The following SLC25A13 variants were observed in gnomAD, a reference collection of about 807,000 sequenced individuals.
SLC25A13 encodes the protein electrogenic aspartate/glutamate antiporter SLC25A13, mitochondrial.
A neutral mutation model predicts 85.5 loss-of-function variants in SLC25A13; 70 were observed. That is an observed-to-expected ratio of 0.82 (90% CI 0.68 to 1.00). The LOEUF is 1.00. Ranked by LOEUF, SLC25A13 falls within the 50% of genes least tolerant of loss-of-function variation. The pLI, the probability that SLC25A13 is intolerant of heterozygous loss-of-function variation, is 0.00. For missense variants in SLC25A13, 765 were observed against 819.8 expected (o/e 0.93, Z 0.82); for synonymous variants, 259 against 288.7 (o/e 0.90, Z 1.04).
intron 13 of SLC25A13, among the ~76,000 whole-genome samples, chr7:96,154,801 C>T (rs73232574): frequency 0.11 from 5,653 of 50,254 alleles, 373 homozygotes; most frequent in African/African-American, 0.37. Context: ...GCATCTTTTT[C>T]TTTTTTTTTT....
chr7:96,152,904 G>C (rs1303253980), intron 13 of SLC25A13, among the ~76,000 whole-genome samples: 1 of 152,200 alleles, frequency 6.6e-6, no homozygotes, highest in Non-Finnish European at 1.5e-5. Context: ...CGAGAATGCT[G>C]GGGAATGAGA....
chr7:96,208,291 G>A (rs1380059879), intron 5 of SLC25A13, among the ~76,000 whole-genome samples: 3 of 152,118 alleles, frequency 2.0e-5, no homozygotes, highest in Non-Finnish European at 4.4e-5. Flanking sequence ...AAACATGGAG[G>A]AGTTCTACAT....
intron 13 of SLC25A13, among the ~76,000 whole-genome samples, chr7:96,156,033 G>A (rs10256944): frequency 0.49 from 73,769 of 152,070 alleles, 19,203 homozygotes; most frequent in African/African-American, 0.69. Context: ...CTGTTTGAAC[G>A]GAGTAGCTGC....
chr7:96,233,573 C>T (rs73710236), intron 4 of SLC25A13, among the ~76,000 whole-genome samples: 1,688 of 152,174 alleles, frequency 0.011, 32 homozygotes, highest in African/African-American at 0.039. Context: ...ATGAGTATGA[C>T]GGAATGGCGA....
chr7:96,293,430 G>C (rs1401493586), intron 2 of SLC25A13, among the ~76,000 whole-genome samples: 1 of 152,094 alleles, frequency 6.6e-6, no homozygotes, highest in African/African-American at 2.4e-5. Context: ...TTGACAAATG[G>C]GATCTAATCA....
At chr7:96,164,998 A>G in intron 13 of SLC25A13, among the ~76,000 whole-genome samples, 1 of 152,170 alleles carries the variant, frequency 6.6e-6, no homozygotes. Flanking sequence ...ATTGGCTGTG[A>G]AGATTGACAA....
intron 14 of SLC25A13, among the ~76,000 whole-genome samples, chr7:96,140,397 CTTTTTTTTTTTTTT>C (rs59863233): frequency 3.4e-5 from 3 of 88,128 alleles, no homozygotes; most frequent in East Asian, 7.1e-4. Flanking sequence ...CAAGGATCTC[CTTTTTTTTTTTTTT>C]TTTTTTTTTT....
intron 2 of SLC25A13, among the ~76,000 whole-genome samples, chr7:96,285,656 C>A (rs1029649782): frequency 6.6e-6 from 1 of 152,130 alleles, no homozygotes; most frequent in East Asian, 1.9e-4. Context: ...ACAACGCAGG[C>A]CCTTGGGGTA....
At chr7:96,307,282 T>C (rs1173287300) in intron 1 of SLC25A13, among the ~76,000 whole-genome samples, 1 of 152,150 alleles carries the variant, frequency 6.6e-6, no homozygotes, top group Non-Finnish European at 1.5e-5. Flanking sequence ...TTTGAAGATA[T>C]TGAAGAATTA....
At position 96,321,975 on chromosome 7, in the gene SLC25A13, G is replaced by C; in HGVS notation, c.-19C>G. ...CCGCCATGATTCGCCCCGGTTGCGG[G>C]CGACTGCGGGACCCACTGACTGGCT... On this transcript the variant is annotated 5_prime_UTR_variant, in exon 1 of 18. Transcript: ENST00000265631. 1 of 1,539,050 alleles carries C rather than the reference G, an allele frequency of 6.5e-7. No individual in the cohort carries two copies.
At chr7:96,130,027 C>G (rs1175819952) in intron 15 of SLC25A13, among the ~76,000 whole-genome samples, 1 of 151,972 alleles carries the variant, frequency 6.6e-6, no homozygotes, top group African/African-American at 2.4e-5. Flanking sequence ...TTTGCCTGTT[C>G]TAGTACTTTT....
chr7:96,245,232 C>T, intron 3 of SLC25A13, among the ~76,000 whole-genome samples: 1 of 152,190 alleles, frequency 6.6e-6, no homozygotes, highest in East Asian at 1.9e-4. Context: ...ATTCAAGTAA[C>T]ACTAGAAAAT....
intron 14 of SLC25A13, among the ~76,000 whole-genome samples, chr7:96,134,027 T>G (rs192862487): frequency 1.3e-5 from 2 of 149,536 alleles, no homozygotes; most frequent in East Asian, 2.0e-4. Flanking sequence ...CATTTGTTGT[T>G]TTTTTTTTTT....
intron 14 of SLC25A13, 25 bp downstream of exon 14, chr7:96,146,531 A>T (rs747004342): frequency 7.5e-6 from 12 of 1,607,308 alleles, no homozygotes; most frequent in South Asian, 1.1e-5. Context: ...AATCAAATAA[A>T]TGACTAAAAA....
chr7:96,205,345 C>G (rs971544668), intron 5 of SLC25A13, among the ~76,000 whole-genome samples: 81 of 152,324 alleles, frequency 5.3e-4, no homozygotes, highest in African/African-American at 1.9e-3. Context: ...GCTCTAGGAG[C>G]TGGGAGTAGA....
intron 3 of SLC25A13, among the ~76,000 whole-genome samples, chr7:96,247,784 G>T (rs1797257824): frequency 6.6e-6 from 1 of 151,858 alleles, no homozygotes; most frequent in Non-Finnish European, 1.5e-5. Context: ...CATATACATT[G>T]AAAAATGATT....
chr7:96,145,458 C>T (rs1408394733), intron 14 of SLC25A13, among the ~76,000 whole-genome samples: 2 of 152,126 alleles, frequency 1.3e-5, no homozygotes, highest in Non-Finnish European at 2.9e-5. Context: ...CTCACAAATA[C>T]TGTGTCAAAT....
At chr7:96,241,045 A>AG (rs1370056864) in intron 3 of SLC25A13, among the ~76,000 whole-genome samples, 1 of 30,556 alleles carries the variant, frequency 3.3e-5, no homozygotes, top group South Asian at 9.3e-4. Flanking sequence ...AAGGAAAGAA[A>AG]GAAAGAAAGA....
chr7:96,295,866 ATAT>A (rs1309131509), intron 2 of SLC25A13, among the ~76,000 whole-genome samples: 26 of 150,976 alleles, frequency 1.7e-4, no homozygotes, highest in African/African-American at 6.1e-4. Flanking sequence ...GTTATTAATA[ATAT>A]ATCATATATG....
Sources: allele counts gnomAD v4.1 joint callset (sites outside exome capture counted in the v4.1 genomes callset), GRCh38; gene constraint gnomAD v4.1.1; transcripts MANE v1.5; gene names NCBI Gene and HGNC (gene_info 2026-07-23, HGNC 2026-07-21).